The following SYTL5 variants were observed in gnomAD, a reference collection of about 807,000 sequenced individuals.
SYTL5 encodes synaptotagmin-like protein 5.
A neutral mutation model predicts 55.9 loss-of-function variants in SYTL5; 34 were observed. The observed-to-expected ratio is 0.61, with a 90% confidence interval of 0.46 to 0.81. The LOEUF (loss-of-function observed/expected upper bound fraction) is 0.81. Ranked by LOEUF, SYTL5 falls within the 30% of genes least tolerant of loss-of-function variation. The pLI, the probability that SYTL5 is intolerant of heterozygous loss-of-function variation, is 0.00. For missense variants in SYTL5, 637 were observed against 546.7 expected, an observed-to-expected ratio of 1.17 and a Z score of -1.65; for synonymous variants, 221 against 188.7, an observed-to-expected ratio of 1.17 and a Z score of -1.40.
the SYTL5 span, among the ~76,000 whole-genome samples, chrX:37,913,807 A>G: frequency 8.9e-6 from 1 of 112,078 alleles, no homozygotes; most frequent in African/African-American, 3.2e-5. Context: ...TACAGTTGTG[A>G]CCAACTCAAA....
At chrX:37,990,992 T>A in the SYTL5 span, 5 of 1,209,996 alleles carry the variant, frequency 4.1e-6, no homozygotes, top group African/African-American at 8.8e-5. Flanking sequence ...CCACAATAAA[T>A]ACCCTCCTTA....
rs112999093 is a variant in SYTL5, at chrX:38,124,107, A to G, written c.1842-1191A>G. 9.9e-4 allele frequency among the ~76,000 whole-genome samples: 110 copies of G among 111,414 alleles called. 1 individual carries two copies. The highest frequency in any genetic ancestry group is 3.4e-3 in the African/African-American group (105 of 30,701). On this transcript the variant is annotated intron_variant, in intron 15 of 16. Coordinates refer to ENST00000297875, the MANE Select transcript of SYTL5 (RefSeq NM_138780.3). ...TATGGTATCCACCTAATGGGTTAGG[A>G]TAGCTGCTCCTGTTTCAGCTATCCC...
At chrX:38,126,282 C>T (rs1264792105) in intron 16 of SYTL5, among the ~76,000 whole-genome samples, 1 of 112,088 alleles carries the variant, frequency 8.9e-6, no homozygotes, top group Non-Finnish European at 1.9e-5. Flanking sequence ...AAAAAGAGAG[C>T]CAAATTCATC....
At chrX:37,944,963 T>C in the SYTL5 span, among the ~76,000 whole-genome samples, 1 of 112,562 alleles carries the variant, frequency 8.9e-6, no homozygotes, top group Non-Finnish European at 1.9e-5. Context: ...CAACTTCCTA[T>C]ACTAATAATT....
intron 2 of SYTL5, among the ~76,000 whole-genome samples, chrX:38,048,810 A>G (rs1167714429): frequency 1.8e-5 from 2 of 111,920 alleles, no homozygotes; most frequent in African/African-American, 6.5e-5. Flanking sequence ...TTGGGTGGGG[A>G]TGCAGCCAAA....
At chrX:38,045,177 A>T (rs1283471541) in intron 2 of SYTL5, among the ~76,000 whole-genome samples, 2 of 112,106 alleles carry the variant, frequency 1.8e-5, no homozygotes, top group Admixed American at 9.4e-5. Flanking sequence ...AATTTGGCAG[A>T]GGTCACCATC....
the SYTL5 span, among the ~76,000 whole-genome samples, chrX:37,942,376 A>G: frequency 9.0e-6 from 1 of 111,628 alleles, no homozygotes; most frequent in Non-Finnish European, 1.9e-5. Context: ...ATTTTCACAC[A>G]CTCTGTCCTA....
rs192667720 is a variant in SYTL5 at position 38,086,313 on chromosome X, A to G, written c.690-3133A>G. 4.5e-4 allele frequency among the ~76,000 whole-genome samples: 50 copies of G among 111,980 alleles called. 2 individuals carry two copies. Among genetic ancestry groups the G allele is most frequent in the Non-Finnish European group, 1.3e-4 (7 of 53,193 alleles). ...TGCATCTGCCACACAGGGTCATTGT[A>G]AGAGTATACTGAAATGATTGCTGTC... On this transcript the variant is annotated intron_variant, in intron 6 of 16. Transcript: ENST00000297875.
intron 10 of SYTL5, among the ~76,000 whole-genome samples, chrX:38,105,495 T>C (rs1937186368): frequency 8.9e-6 from 1 of 111,969 alleles, no homozygotes; most frequent in Admixed American, 9.4e-5. Context: ...AAGAGACAAA[T>C]GGTTGCATTC....
chrX:37,999,331 A>G, the SYTL5 span, among the ~76,000 whole-genome samples: 1 of 112,782 alleles, frequency 8.9e-6, no homozygotes, highest in African/African-American at 3.2e-5. Context: ...AATAAATAGA[A>G]TCTGCATTTG....
the SYTL5 span, among the ~76,000 whole-genome samples, chrX:37,961,566 G>A: frequency 9.0e-6 from 1 of 111,577 alleles, no homozygotes; most frequent in East Asian, 2.8e-4. Context: ...TGAACTTCCT[G>A]GAAGCTCTTC....
intron 1 of SYTL5, among the ~76,000 whole-genome samples, chrX:38,024,174 C>T (rs1002783326): frequency 1.7e-4 from 19 of 110,608 alleles, no homozygotes; most frequent in African/African-American, 5.3e-4. Flanking sequence ...ACAATCCCCA[C>T]GTGTTGTGGG....
chrX:37,906,656 G>A, the SYTL5 span: 1 of 112,460 alleles, frequency 8.9e-6, no homozygotes, highest in Admixed American at 9.4e-5. Flanking sequence ...TGACTGAATC[G>A]AAATGTTCCG....
At chrX:37,909,705 A>G in the SYTL5 span, among the ~76,000 whole-genome samples, 2 of 107,442 alleles carry the variant, frequency 1.9e-5, no homozygotes, top group Non-Finnish European at 3.8e-5. Context: ...ATGGAGTCTC[A>G]CTGTTGTTGC....
chrX:38,045,849 G>A (rs1452794016), intron 2 of SYTL5, among the ~76,000 whole-genome samples: 1 of 111,523 alleles, frequency 9.0e-6, no homozygotes, highest in African/African-American at 3.3e-5. Context: ...ACTCTCTTGG[G>A]GAATATTTGT....
chrX:38,078,284 G>A (rs1369470344), intron 6 of SYTL5, among the ~76,000 whole-genome samples: 1 of 106,217 alleles, frequency 9.4e-6, no homozygotes, highest in Non-Finnish European at 1.9e-5. Context: ...TTTTTGAGAT[G>A]GAGTCTCGCT....
intron 12 of SYTL5, among the ~76,000 whole-genome samples, chrX:38,110,105 T>C (rs1028127035): frequency 8.9e-6 from 1 of 112,149 alleles, no homozygotes; most frequent in Non-Finnish European, 1.9e-5. Context: ...AATTTGTTTA[T>C]ATATCTTTCA....
At chrX:37,940,001 T>C in the SYTL5 span, among the ~76,000 whole-genome samples, 1 of 110,504 alleles carries the variant, frequency 9.0e-6, no homozygotes, top group Admixed American at 9.6e-5. Context: ...CCAGCTAATT[T>C]TTTTTTGTAT....
chrX:38,126,544 G>C (rs758929355), intron 16 of SYTL5, 44 bp from the exon 17 acceptor site: 34 of 1,199,087 alleles, frequency 2.8e-5, no homozygotes, highest in Non-Finnish European at 3.7e-5. Context: ...GGAGAGCAAA[G>C]CATTTCATGT....
Sources: gnomAD v4.1 joint callset for allele counts (sites outside exome capture counted in the v4.1 genomes callset) on GRCh38, gnomAD v4.1.1 for gene constraint, MANE v1.5 for transcripts, NCBI Gene and HGNC (gene_info 2026-07-23, HGNC 2026-07-21) for gene names.